The following SMC3 variants were observed in gnomAD, a reference collection of about 807,000 sequenced individuals.
The protein encoded by SMC3 is structural maintenance of chromosomes protein 3.
A neutral mutation model predicts 171.8 loss-of-function variants in SMC3; 20 were observed. The ratio of observed to expected loss-of-function variants is 0.12; its 90% CI spans 0.08 to 0.17. The LOEUF is 0.17. SMC3 is among the 10% of genes least tolerant of loss of function. SMC3 has a pLI of 1.00. For synonymous variants in SMC3, 464 were observed against 451.1 expected, an observed-to-expected ratio of 1.03 and a Z score of -0.36; for missense variants, 543 against 1,420.4, an observed-to-expected ratio of 0.38 and a Z score of 9.93.
chr10:110,575,233 T>C (rs1398682977), intron 3 of SMC3, 103 bp from the exon 4 acceptor site: 35 of 815,292 alleles, frequency 4.3e-5, no homozygotes, highest in Non-Finnish European at 6.7e-5. Context: ...TTATTTGCAT[T>C]GTCTATTACC....
At chr10:110,582,159 A>G (rs1861040790) in intron 9 of SMC3, 61 bp downstream of exon 9, 2 of 1,383,342 alleles carry the variant, frequency 1.4e-6, no homozygotes, top group Admixed American at 3.4e-5. Context: ...AATTTGTTAA[A>G]CTCAGGCCAT....
At chr10:110,599,514 A>T in intron 20 of SMC3, 140 bp from the exon 21 acceptor site, 1 of 686,370 alleles carries the variant, frequency 1.5e-6, no homozygotes, top group Non-Finnish European at 2.4e-6. Context: ...TAGAGTCCTA[A>T]TTACCAAATT....
At position 110,593,235 on chromosome 10, in the gene SMC3, T is replaced by C; in HGVS notation, c.1963+12T>C. 6.2e-7 allele frequency: 1 copy of C among 1,611,976 alleles called. No homozygotes were observed. On this transcript the variant is annotated intron_variant, in intron 18 of 28. Coordinates refer to ENST00000361804, the MANE Select transcript of SMC3 (RefSeq NM_005445.4). ...TATTACTTTGGAAGGTTTGTAATACTAATTCTTAGCTTTAAACAGATAAAT... is the reference window on the plus strand; with the variant it reads ...TATTACTTTGGAAGGTTTGTAATACCAATTCTTAGCTTTAAACAGATAAAT...
At position 110,604,657 on chromosome 10, in the gene SMC3, C is replaced by A. The variant is rs1294622608; in HGVS notation, c.*355C>A. ...TAATATAGTGTTTTATGTGGCTTTT[C>A]ATTTGTCATAGTCTCTTCCAGTGAG... On this transcript the variant is annotated 3_prime_UTR_variant, in exon 29 of 29. Coordinates refer to ENST00000361804, the MANE Select transcript of SMC3 (RefSeq NM_005445.4). 4 of 259,184 alleles carry A rather than the reference C, an allele frequency of 1.5e-5. No individual in the cohort carries two copies. Among genetic ancestry groups the A allele is most frequent in the Non-Finnish European group, 3.0e-5 (4 of 133,592 alleles). The allele number at this position is 259,184 out of a possible 1,614,324, so 16.1% of individuals were successfully genotyped here. A position where few individuals can be genotyped will look rare whatever the true frequency, so the allele number is the denominator to read the frequency against.
chr10:110,588,769 T>C (rs1025004045), intron 13 of SMC3, among the ~76,000 whole-genome samples: 1 of 152,224 alleles, frequency 6.6e-6, no homozygotes, highest in Non-Finnish European at 1.5e-5. Flanking sequence ...TTAATTCTCC[T>C]TAAGGAAACA....
At chr10:110,583,241 TG>T (rs1861059276) in intron 10 of SMC3, 142 bp from the exon 11 acceptor site, 8 of 699,800 alleles carry the variant, frequency 1.1e-5, no homozygotes, top group Non-Finnish European at 1.9e-5. Flanking sequence ...AATTATGGAA[TG>T]ATTACACAAG....
chr10:110,578,362 C>T (rs750727719), intron 6 of SMC3, among the ~76,000 whole-genome samples: 7 of 152,208 alleles, frequency 4.6e-5, no homozygotes, highest in Admixed American at 6.5e-5. Flanking sequence ...TGAGCCACTG[C>T]GCCCAGCCCG....
chr10:110,576,997 A>G lies in SMC3; in HGVS notation c.199-424A>G, dbSNP rs1049771013. Reference sequence around the variant, plus strand: ...GCATTAAAATGAGACTGTAAGAGAAAAGCCTCATGGTGTATTAGATATTAG... The same window carrying G: ...GCATTAAAATGAGACTGTAAGAGAAGAGCCTCATGGTGTATTAGATATTAG... On this transcript the variant is annotated intron_variant, in intron 4 of 28. Transcript: ENST00000361804. 4.6e-5 allele frequency among the ~76,000 whole-genome samples: 7 copies of G among 152,326 alleles called. No individual in the cohort carries two copies. In the South Asian group the frequency reaches 8.3e-4, roughly 18 times the overall value.
chr10:110,603,832 A>G (rs1861424632), intron 28 of SMC3, among the ~76,000 whole-genome samples: 1 of 152,222 alleles, frequency 6.6e-6, no homozygotes, highest in South Asian at 2.1e-4. Flanking sequence ...GCAATGGCTC[A>G]TGCCTGTAAT....
In SMC3 at chr10:110,583,402, A is replaced by G; in HGVS notation, c.823A>G (p.Arg275Gly). Reference protein sequence around the residue: ...DKMEDIERQVRELKTKISAMK... With the variant: ...DKMEDIERQVGELKTKISAMK... ...TGAATAGGATATCGAACGCCAAGTT[A>G]GAGAATTGAAAACAAAAATTTCAGC... Residue 275 changes from arginine (R) to glycine (G), a missense_variant, in exon 11 of 29, where the codon AGA (arginine) becomes GGA (glycine). Around this residue, in one of 8 missense-constraint regions of SMC3, gnomAD observed 146 missense variants for 437.9 expected, o/e 0.33. Transcript: ENST00000361804. 1.2e-6 allele frequency: 2 copies of G among 1,613,708 alleles called. No homozygotes were observed. Among genetic ancestry groups the G allele is most frequent in the Non-Finnish European group, 1.7e-6 (2 of 1,179,778 alleles).
chr10:110,569,974 A>T (rs1860845348), intron 2 of SMC3, among the ~76,000 whole-genome samples: 1 of 152,248 alleles, frequency 6.6e-6, no homozygotes, highest in African/African-American at 2.4e-5. Context: ...AGTCCAAACT[A>T]AGTGGTGTAT....
In SMC3 at chr10:110,590,121, A is replaced by G. The variant is rs3737294; in HGVS notation, c.1509+130A>G. The G allele has an allele frequency of 0.19, 143,947 of 751,268 alleles. 15,899 individuals carry two copies. Among genetic ancestry groups the G allele is most frequent in the African/African-American group, 0.37 (20,721 of 56,428 alleles). 46.5% of individuals were successfully genotyped at this position (751,268 alleles called of 1,614,324 possible). ...TAAATAGGAGTCCAAATTATCTTCT[A>G]AATATGAAATGATAGAGATTAAATA... On this transcript the variant is annotated intron_variant, in intron 15 of 28. Transcript: ENST00000361804.
Position 110,584,050 on chromosome 10 carries a change from C to T in SMC3, c.1091+88C>T, listed in dbSNP as rs946806895. Reference sequence around the variant, plus strand: ...GAGGAGCTCAATTATATAGTAGCTGCTTTTTACACTTAATTCTTTTTGTAT... The same window carrying T: ...GAGGAGCTCAATTATATAGTAGCTGTTTTTTACACTTAATTCTTTTTGTAT... On this transcript the variant is annotated intron_variant, in intron 12 of 28. Coordinates refer to ENST00000361804, the MANE Select transcript of SMC3 (RefSeq NM_005445.4). 6 of 1,532,040 alleles carry T rather than the reference C, an allele frequency of 3.9e-6. No homozygotes were observed. In the African/African-American group the frequency reaches 6.8e-5, roughly 17 times the overall value. 94.9% of individuals were successfully genotyped at this position (1,532,040 alleles called of 1,614,324 possible).
chr10:110,571,783 TGGGTTCATTTTTAAATAAAAATG>T (rs1564787574), intron 2 of SMC3, among the ~76,000 whole-genome samples: 4 of 13,208 alleles, frequency 3.0e-4, no homozygotes, highest in Non-Finnish European at 1.7e-3. Flanking sequence ...TAAATAAAAA[TGGGTTCATTTTTAAATAAAAATG>T]GGTTCATTTT....
At chr10:110,589,089 C>G (rs1464849660) in intron 13 of SMC3, among the ~76,000 whole-genome samples, 1 of 152,002 alleles carries the variant, frequency 6.6e-6, no homozygotes, top group East Asian at 1.9e-4. Flanking sequence ...CTAAAGACAA[C>G]TTTTAAAAAC....
At chr10:110,597,524 T>TGCAGA (rs1861318889) in intron 19 of SMC3, among the ~76,000 whole-genome samples, 1 of 152,252 alleles carries the variant, frequency 6.6e-6, no homozygotes, top group Non-Finnish European at 1.5e-5. Context: ...GATTTATAAC[T>TGCAGA]TCTGTGCCAT....
chr10:110,570,185 C>T (rs963094851), intron 2 of SMC3, among the ~76,000 whole-genome samples: 15 of 152,136 alleles, frequency 9.9e-5, no homozygotes, highest in African/African-American at 3.6e-4. Flanking sequence ...CCTCATTTAA[C>T]CATAATCATC....
chr10:110,596,072 A>G (rs1453228316), intron 18 of SMC3, among the ~76,000 whole-genome samples: 1 of 151,626 alleles, frequency 6.6e-6, no homozygotes, highest in Non-Finnish European at 1.5e-5. Flanking sequence ...CCTGGTCTCT[A>G]CAAAAAAGGT....
chr10:110,589,830 A>G lies in SMC3; in HGVS notation c.1410-62A>G, dbSNP rs577769549. The G allele has an allele frequency of 4.3e-5, 65 of 1,522,104 alleles. 1 individual carries two copies. In the South Asian group the frequency reaches 6.5e-4, roughly 15 times the overall value. The allele number at this position is 1,522,104 out of a possible 1,614,324, so 94.3% of individuals were successfully genotyped here. On this transcript the variant is annotated intron_variant, in intron 14 of 28. Transcript: ENST00000361804. ...TTTCTGTATTTTGATTCTAAACTGT[A>G]TACTGTTAATGCATCCTCATATGTG...
Sources: gnomAD v4.1 joint callset for allele counts (sites outside exome capture counted in the v4.1 genomes callset) on GRCh38, gnomAD v4.1.1 for gene constraint, gnomAD v4.1.1 regional missense constraint, MANE v1.5 for transcripts, NCBI Gene and HGNC (gene_info 2026-07-23, HGNC 2026-07-21) for gene names.